LGR5: variants seen among roughly 807,000 people sequenced by gnomAD.
The protein encoded by LGR5 is leucine-rich repeat-containing G protein-coupled receptor 5.
In LGR5, 54 loss-of-function variants were observed where a neutral mutation model predicts 76.7. The observed-to-expected ratio is 0.70, with a 90% CI of 0.57 to 0.88. The LOEUF is 0.88. Ranked by LOEUF, LGR5 falls within the 40% of genes least tolerant of loss-of-function variation. The pLI, the probability that LGR5 is intolerant of heterozygous loss-of-function variation, is 0.00. For missense variants in LGR5, 1,078 were observed against 1,073.3 expected (o/e 1.00, Z -0.06); for synonymous variants, 406 against 421.9 (o/e 0.96, Z 0.46).
intron 1 of LGR5, among the ~76,000 whole-genome samples, chr12:71,462,693 C>G (rs1943645731): frequency 6.6e-6 from 1 of 152,128 alleles, no homozygotes; most frequent in Non-Finnish European, 1.5e-5. Context: ...TCTCCTCACT[C>G]TTCCCATTGC....
At chr12:71,533,202 G>A (rs551607703) in intron 3 of LGR5, among the ~76,000 whole-genome samples, 6 of 151,936 alleles carry the variant, frequency 3.9e-5, no homozygotes, top group African/African-American at 9.7e-5. Flanking sequence ...AAAATTAGCC[G>A]GGCACGGTGA....
At chr12:71,479,333 A>T (rs1446819793) in intron 1 of LGR5, among the ~76,000 whole-genome samples, 1 of 152,238 alleles carries the variant, frequency 6.6e-6, no homozygotes, top group African/African-American at 2.4e-5. Context: ...TGTTTGTTAA[A>T]AATAAGCCTC....
rs568479321 is a variant in LGR5 at position 71,449,474 on chromosome 12, C to T, written c.212+9182C>T. 4.6e-5 allele frequency among the ~76,000 whole-genome samples: 7 copies of T among 152,128 alleles called. No homozygotes were observed. In the South Asian group the frequency reaches 1.5e-3, roughly 32 times the overall value. ...GAAATCCTAGTTAAACCAGATTCTCCCAGGATGTGAGCATATCTCATTTGA... is the reference window on the plus strand; with the variant it reads ...GAAATCCTAGTTAAACCAGATTCTCTCAGGATGTGAGCATATCTCATTTGA... On this transcript the variant is annotated intron_variant, in intron 1 of 17. Coordinates refer to ENST00000266674, the MANE Select transcript of LGR5 (RefSeq NM_003667.4).
intron 4 of LGR5, among the ~76,000 whole-genome samples, chr12:71,542,567 G>A (rs1446517901): frequency 6.6e-6 from 1 of 152,204 alleles, no homozygotes; most frequent in Non-Finnish European, 1.5e-5. Context: ...AGGGACGGTG[G>A]AGATGAAGAA....
chr12:71,477,688 T>G (rs550577204), intron 1 of LGR5, among the ~76,000 whole-genome samples: 2 of 152,146 alleles, frequency 1.3e-5, no homozygotes, highest in African/African-American at 4.8e-5. Context: ...CCTTGGAAAT[T>G]TTTCTTTTTA....
chr12:71,563,225 A>G (rs1031442906), intron 8 of LGR5, among the ~76,000 whole-genome samples: 3 of 152,058 alleles, frequency 2.0e-5, no homozygotes, highest in African/African-American at 7.2e-5. Flanking sequence ...ATCTGTTTCC[A>G]TCTCTTCAAA....
At chr12:71,570,866 A>G (rs188841132) in intron 11 of LGR5, among the ~76,000 whole-genome samples, 85 of 152,342 alleles carry the variant, frequency 5.6e-4, no homozygotes, top group South Asian at 3.7e-3. Flanking sequence ...CTTTTAAAAC[A>G]TGAAACAAAA....
intron 1 of LGR5, among the ~76,000 whole-genome samples, chr12:71,471,250 G>T (rs1334138527): frequency 6.6e-6 from 1 of 152,160 alleles, no homozygotes; most frequent in East Asian, 1.9e-4. Flanking sequence ...TAACCCAAAT[G>T]TCCACCAACT....
intron 1 of LGR5, among the ~76,000 whole-genome samples, chr12:71,479,520 G>T (rs1052669742): frequency 6.6e-6 from 1 of 152,184 alleles, no homozygotes; most frequent in Non-Finnish European, 1.5e-5. Context: ...AATGAAAGAT[G>T]TGACCACAAA....
intron 2 of LGR5, among the ~76,000 whole-genome samples, chr12:71,510,238 A>C (rs1312389763): frequency 6.6e-6 from 1 of 152,190 alleles, no homozygotes; most frequent in Non-Finnish European, 1.5e-5. Flanking sequence ...GATTATAAAC[A>C]CTGCCTCCTT....
chr12:71,525,131 C>T (rs1455219955), intron 3 of LGR5, among the ~76,000 whole-genome samples: 1 of 151,860 alleles, frequency 6.6e-6, no homozygotes, highest in African/African-American at 2.4e-5. Context: ...AAAAAAGAGG[C>T]ACTTACGTAG....
chr12:71,561,365 A>G (rs1282843650), intron 7 of LGR5, among the ~76,000 whole-genome samples: 1 of 152,198 alleles, frequency 6.6e-6, no homozygotes. Flanking sequence ...TAAGGAGACT[A>G]CTTAAATCTT....
chr12:71,502,799 G>A (rs1227212891), intron 1 of LGR5, among the ~76,000 whole-genome samples: 1 of 152,186 alleles, frequency 6.6e-6, no homozygotes, highest in African/African-American at 2.4e-5. Flanking sequence ...CCAGGTGCTT[G>A]AAATAGGGTA....
chr12:71,440,253 C>T lies in LGR5; in HGVS notation c.173C>T (p.Ser58Leu), dbSNP rs1434992934. 3.1e-6 allele frequency: 5 copies of T among 1,613,020 alleles called. No homozygotes were observed. The highest frequency in any genetic ancestry group is 4.2e-6 in the Non-Finnish European group (5 of 1,179,958). The change falls in exon 1 of 18, where the codon TCG becomes TTG. Residue 58 changes from serine (S) to leucine (L), a missense_variant. Ser to Leu is a moderately radical substitution (Grantham distance 145). Transcript: ENST00000266674. This position sits in a 1 kb window ranked among gnomAD's most constrained non-coding sequence, Gnocchi z 5.3. ...LRVDCSDLGL[S>L]ELPSNLSVFT... Reference sequence around the variant, plus strand: ...GTGGACTGCTCCGACCTGGGGCTCTCGGAGCTGCCTTCCAACCTCAGCGTC... The same window carrying T: ...GTGGACTGCTCCGACCTGGGGCTCTTGGAGCTGCCTTCCAACCTCAGCGTC...
chr12:71,552,134 T>G (rs1405482183), intron 4 of LGR5, among the ~76,000 whole-genome samples: 4 of 151,992 alleles, frequency 2.6e-5, no homozygotes, highest in African/African-American at 9.7e-5. Flanking sequence ...ACCTAATGCA[T>G]GTGGGGCTTA....
At chr12:71,446,638 G>A (rs1195842357) in intron 1 of LGR5, among the ~76,000 whole-genome samples, 2 of 152,166 alleles carry the variant, frequency 1.3e-5, no homozygotes, top group African/African-American at 4.8e-5. Flanking sequence ...CAAGAAAACA[G>A]GCTTTCCAAT....
chr12:71,498,379 C>T (rs923724510), intron 1 of LGR5, among the ~76,000 whole-genome samples: 1 of 152,148 alleles, frequency 6.6e-6, no homozygotes, highest in African/African-American at 2.4e-5. Context: ...ACATATATCT[C>T]ACAGTTCTAG....
At chr12:71,532,069 A>G (rs932466333) in intron 3 of LGR5, among the ~76,000 whole-genome samples, 3 of 152,294 alleles carry the variant, frequency 2.0e-5, no homozygotes, top group Middle Eastern at 3.4e-3. Flanking sequence ...GGCAAAGGAC[A>G]ATGCAATACA....
At chr12:71,439,618 CCG>C (rs1330620825), upstream of LGR5, among the ~76,000 whole-genome samples, 1 of 152,004 alleles carries the variant, frequency 6.6e-6, no homozygotes, top group Non-Finnish European at 1.5e-5. Context: ...CTCGCCAGTA[CCG>C]CGCGCTGCCT....
Sources: allele counts gnomAD v4.1 joint callset (sites outside exome capture counted in the v4.1 genomes callset), GRCh38; gene constraint gnomAD v4.1.1; non-coding constraint Gnocchi (gnomAD v3.1); transcripts MANE v1.5; gene names NCBI Gene and HGNC (gene_info 2026-07-23, HGNC 2026-07-21).